The following ATF6 variants were observed in gnomAD, a reference collection of about 807,000 sequenced individuals.
The protein encoded by ATF6 is cyclic AMP-dependent transcription factor ATF-6 alpha.
ATF6 carries 53 observed loss-of-function variants against 83.6 expected under a neutral mutation model. The ratio of observed to expected loss-of-function variants is 0.63; its 90% CI spans 0.51 to 0.80. The LOEUF is 0.80. ATF6 is among the 30% of genes least tolerant of loss of function. ATF6 has a pLI of 0.00. For missense variants in ATF6, 744 were observed against 797.9 expected, an observed-to-expected ratio of 0.93 and a Z score of 0.81; for synonymous variants, 288 against 285.8, an observed-to-expected ratio of 1.01 and a Z score of -0.08.
chr1:161,851,773 A>G lies in ATF6; in HGVS notation c.1371A>G (p.Glu457=). 6.2e-7 allele frequency: 1 copy of G among 1,613,964 alleles called. No homozygotes were observed. The highest frequency in any genetic ancestry group is 8.5e-7 in the Non-Finnish European group (1 of 1,179,888). ...AAGCCCTGATGGTGCTAACTGAAGA[A>G]CCATTGCTTTACATTCCTCCACCTC... ...NDKALMVLTE[E]PLLYIPPPPC... Residue 457 remains glutamate, a synonymous_variant, in exon 11 of 16, where the codon GAA becomes GAG. Coordinates refer to ENST00000367942, the MANE Select transcript of ATF6 (RefSeq NM_007348.4).
intron 14 of ATF6, among the ~76,000 whole-genome samples, chr1:161,910,991 A>G (rs969675815): frequency 2.0e-5 from 3 of 152,196 alleles, no homozygotes; most frequent in Non-Finnish European, 2.9e-5. Flanking sequence ...AGTTCTGTTC[A>G]TGTATATCAA....
intron 9 of ATF6, among the ~76,000 whole-genome samples, chr1:161,841,167 G>A (rs113447957): frequency 6.7e-4 from 102 of 152,220 alleles, no homozygotes; most frequent in Non-Finnish European, 1.1e-3. Flanking sequence ...TTATACATTT[G>A]ACCATTACAA....
intron 15 of ATF6, among the ~76,000 whole-genome samples, chr1:161,956,302 A>G (rs985220420): frequency 1.3e-5 from 2 of 152,160 alleles, no homozygotes; most frequent in Admixed American, 1.3e-4. Context: ...ACACACACAC[A>G]CGCACACACA....
intron 14 of ATF6, among the ~76,000 whole-genome samples, chr1:161,896,877 C>G (rs995272633): frequency 3.9e-5 from 6 of 152,136 alleles, no homozygotes; most frequent in Non-Finnish European, 7.4e-5. Flanking sequence ...TATGGCAGCA[C>G]ACAACTCATC....
intron 7 of ATF6, among the ~76,000 whole-genome samples, chr1:161,807,718 G>A (rs1193711228): frequency 1.3e-5 from 2 of 152,036 alleles, no homozygotes; most frequent in Non-Finnish European, 2.9e-5. Context: ...TTCATTTGAG[G>A]TTACAGTAGC....
At chr1:161,944,700 C>G (rs904551379) in intron 15 of ATF6, among the ~76,000 whole-genome samples, 8 of 152,210 alleles carry the variant, frequency 5.3e-5, no homozygotes, top group Non-Finnish European at 8.8e-5. Flanking sequence ...CAAGGAAGCT[C>G]TCACCACTGC....
At chr1:161,821,413 C>T (rs377411486) in intron 9 of ATF6, among the ~76,000 whole-genome samples, 1 of 152,024 alleles carries the variant, frequency 6.6e-6, no homozygotes, top group Non-Finnish European at 1.5e-5. Flanking sequence ...ATATAGAGTA[C>T]GAGTTCCTTG....
intron 12 of ATF6, among the ~76,000 whole-genome samples, chr1:161,859,225 G>A (rs961335183): frequency 2.6e-5 from 4 of 152,052 alleles, no homozygotes; most frequent in Non-Finnish European, 4.4e-5. Flanking sequence ...TTGTTACAGA[G>A]CCAGAAGTGG....
chr1:161,860,221 G>C lies in ATF6; in HGVS notation c.1548G>C (p.Gln516His), dbSNP rs1258869549. 1.9e-6 allele frequency: 3 copies of C among 1,590,534 alleles called. No homozygotes were observed. The highest frequency in any genetic ancestry group is 8.6e-7 in the Non-Finnish European group (1 of 1,167,258). ...KTRILQGALE[Q>H]GSNSQLMAVQ... Reference sequence around the variant, plus strand: ...TAATATTCCAGGGTGCTCTGGAACAGGGCTCAAATTCTCAGCTGATGGCTG... The same window carrying C: ...TAATATTCCAGGGTGCTCTGGAACACGGCTCAAATTCTCAGCTGATGGCTG... The change falls in exon 13 of 16, where the codon CAG becomes CAC. Residue 516 changes from glutamine to histidine, a missense_variant. Gln to His is a conservative substitution (Grantham distance 24, BLOSUM62 0). Transcript: ENST00000367942.
chr1:161,878,410 C>T (rs531929423), intron 14 of ATF6, among the ~76,000 whole-genome samples: 1 of 152,180 alleles, frequency 6.6e-6, no homozygotes, highest in African/African-American at 2.4e-5. Flanking sequence ...CCATCACACC[C>T]GGTCAGCTTA....
intron 12 of ATF6, among the ~76,000 whole-genome samples, chr1:161,857,255 T>C (rs2101832638): frequency 6.6e-6 from 1 of 152,302 alleles, no homozygotes; most frequent in Middle Eastern, 3.4e-3. Flanking sequence ...TATAAAATAT[T>C]CTGTAATTTT....
intron 14 of ATF6, among the ~76,000 whole-genome samples, chr1:161,872,800 A>G (rs1390441949): frequency 6.6e-6 from 1 of 151,578 alleles, no homozygotes; most frequent in African/African-American, 2.4e-5. Context: ...AAGAAAAACA[A>G]TGGTTTGGTA....
chr1:161,901,719 T>C (rs1446941997), intron 14 of ATF6, among the ~76,000 whole-genome samples: 1 of 152,208 alleles, frequency 6.6e-6, no homozygotes, highest in Non-Finnish European at 1.5e-5. Context: ...TTGTGAATTA[T>C]TGTTTTGATA....
At chr1:161,937,425 A>G (rs1688558354) in intron 15 of ATF6, among the ~76,000 whole-genome samples, 1 of 151,900 alleles carries the variant, frequency 6.6e-6, no homozygotes, top group Non-Finnish European at 1.5e-5. Context: ...ACCATAAATA[A>G]TTCATCTCTG....
rs1486615566 is a variant in ATF6 at position 161,936,899 on chromosome 1, C to T, written c.1805-21547C>T. Among the ~76,000 whole-genome samples the T allele has an allele frequency of 3.9e-5, 6 of 152,150 alleles. No individual in the cohort carries two copies. In the East Asian group the frequency reaches 1.2e-3, roughly 29 times the overall value. ...CATCCTAGTCACAGTGAAGCATATC[C>T]GTCCTTCACATTGCACAGCCAAAAA... On this transcript the variant is annotated intron_variant, in intron 15 of 15. Transcript: ENST00000367942.
chr1:161,801,985 T>C (rs1408629273), intron 6 of ATF6, 67 bp from the exon 7 acceptor site: 1 of 1,504,122 alleles, frequency 6.6e-7, no homozygotes, highest in African/African-American at 1.4e-5. Context: ...AAAGACCTAA[T>C]TATAAGCTGC....
intron 9 of ATF6, among the ~76,000 whole-genome samples, chr1:161,844,041 A>C (rs746106505): frequency 2.0e-5 from 3 of 152,216 alleles, no homozygotes; most frequent in Non-Finnish European, 4.4e-5. Context: ...TTAGGGTTTT[A>C]ATTACACTGG....
At chr1:161,768,097 C>T (rs533381946) in intron 1 of ATF6, among the ~76,000 whole-genome samples, 4 of 152,258 alleles carry the variant, frequency 2.6e-5, no homozygotes, top group East Asian at 1.9e-4. Context: ...TCAGGTGATC[C>T]GCCCACCTCG....
intron 5 of ATF6, 152 bp downstream of exon 5, chr1:161,791,689 AC>A: frequency 3.6e-6 from 3 of 835,670 alleles, no homozygotes; most frequent in Non-Finnish European, 5.3e-6. Flanking sequence ...GTGAGTGATT[AC>A]CGTGGAGAGG....
Sources: allele counts gnomAD v4.1 joint callset (sites outside exome capture counted in the v4.1 genomes callset), GRCh38; gene constraint gnomAD v4.1.1; transcripts MANE v1.5; gene names NCBI Gene and HGNC (gene_info 2026-07-23, HGNC 2026-07-21).